The following KLC3 variants were observed in gnomAD, a reference collection of about 807,000 sequenced individuals.
The protein encoded by KLC3 is kinesin light chain 3, also known as kinesin light chain 2.
KLC3 carries 72 observed loss-of-function variants against 62.9 expected under a neutral mutation model. The ratio of observed to expected loss-of-function variants is 1.15; its 90% confidence interval spans 0.95 to 1.39. The LOEUF (loss-of-function observed/expected upper bound fraction) is 1.39. KLC3 is among the 40% of genes most tolerant of loss of function. The probability of loss-of-function intolerance (pLI) is 0.00; values close to 1 mark genes in which losing one functional copy is unlikely to be tolerated. For missense variants in KLC3, 848 were observed against 691.6 expected (o/e 1.23, Z -2.54); for synonymous variants, 377 against 300.5 (o/e 1.25, Z -2.63).
At chr19:45,350,614 T>C in intron 10 of KLC3, 27 bp from the exon 11 acceptor site, 1 of 1,612,964 alleles carries the variant, frequency 6.2e-7, no homozygotes, top group East Asian at 2.2e-5. Flanking sequence ...CCTGGGGGAC[T>C]GAGCAGCATC....
At chr19:45,350,868 A>G (rs986071478) in intron 11 of KLC3, 86 bp from the exon 12 acceptor site, 25 of 1,503,204 alleles carry the variant, frequency 1.7e-5, no homozygotes, top group Non-Finnish European at 2.0e-5. Flanking sequence ...TGATACACAC[A>G]GATCAAACCC....
chr19:45,343,623 C>G (rs1162142189), intron 1 of KLC3, among the ~76,000 whole-genome samples: 1 of 152,208 alleles, frequency 6.6e-6, no homozygotes, highest in Non-Finnish European at 1.5e-5. Context: ...GCGTGAGCCA[C>G]CGCGCCCAGG....
intron 7 of KLC3, 120 bp from the exon 8 acceptor site, chr19:45,349,309 T>C: frequency 1.9e-6 from 2 of 1,037,524 alleles, no homozygotes; most frequent in East Asian, 5.0e-5. Flanking sequence ...GCCCCCAACC[T>C]CTCAGGTCAC....
rs1568521733 is a variant in KLC3, at chr19:45,345,708, G to A, written c.167G>A (p.Gly56Asp). ...CTGGCGGAGGCCCTGGCGGGACAGG[G>A]CCCGGCAGCCGGCTTGGAGATGCTG... ...GHLAEALAGQ[G>D]PAAGLEMLEE... Residue 56 changes from glycine (G) to aspartate (D), a missense_variant, in exon 2 of 13, where the codon GGC becomes GAC. By Grantham distance (94) the Gly-to-Asp change is moderately conservative. Transcript: ENST00000391946. The A allele has an allele frequency of 2.6e-6, 4 of 1,566,048 alleles. No individual in the cohort carries two copies. Among genetic ancestry groups the A allele is most frequent in the Non-Finnish European group, 3.5e-6 (4 of 1,156,558 alleles).
chr19:45,350,612 A>C (rs1184456110), intron 10 of KLC3, 29 bp from the exon 11 acceptor site: 8 of 1,612,386 alleles, frequency 5.0e-6, no homozygotes, highest in Non-Finnish European at 6.8e-6. Flanking sequence ...GGCCTGGGGG[A>C]CTGAGCAGCA....
rs949800626 is a variant in KLC3, at chr19:45,348,794, G to A, written c.868-26G>A. ...AGTGGGGCCACACCTGCCCATCCCT[G>A]ACCTGTGCCTCCCCCAACCCCGCAG... On this transcript the variant is annotated intron_variant, in intron 6 of 12. Transcript: ENST00000391946. The A allele has an allele frequency of 1.9e-6, 3 of 1,562,574 alleles. No individual in the cohort carries two copies. The African/African-American group carries it at 4.1e-5, about 21-fold the overall frequency.
intron 3 of KLC3, chr19:45,347,014 G>A (rs1436668570): frequency 8.0e-6 from 4 of 500,348 alleles, no homozygotes; most frequent in Non-Finnish European, 1.4e-5. Flanking sequence ...AGACCCCCAG[G>A]GGGCCTCTGA....
At chr19:45,342,218 T>C (rs1971410200) in intron 1 of KLC3, among the ~76,000 whole-genome samples, 1 of 152,144 alleles carries the variant, frequency 6.6e-6, no homozygotes, top group African/African-American at 2.4e-5. Context: ...CTCTTGAACC[T>C]GTGTGGTTGT....
chr19:45,341,578 T>TGTGTGTGTGTGTGCGCGC, intron 1 of KLC3, among the ~76,000 whole-genome samples: 23 of 139,896 alleles, frequency 1.6e-4, no homozygotes, highest in African/African-American at 3.7e-4. Context: ...TGTGTGTGTG[T>TGTGTGTGTGTGTGCGCGC]GCGCGCGCGC....
At chr19:45,346,462 C>T in intron 2 of KLC3, 82 bp from the exon 3 acceptor site, 1 of 1,201,924 alleles carries the variant, frequency 8.3e-7, no homozygotes, top group Non-Finnish European at 1.1e-6. Flanking sequence ...GGTGCTACGG[C>T]CTGACTCGAG....
At position 45,348,823 on chromosome 19, in the gene KLC3, G is replaced by C. The variant is rs1353180294; in HGVS notation, c.871G>C (p.Ala291Pro). 1 of 1,565,432 alleles carries C rather than the reference G, an allele frequency of 6.4e-7. No individual in the cohort carries two copies. The highest frequency in any genetic ancestry group is 8.7e-7 in the Non-Finnish European group (1 of 1,154,920). ...TGTGCCTCCCCCAACCCCGCAGGTG[G>C]CCGCCACGCTCAACAACTTGGCTGT... ...QTLGPEHPAV[A>P]ATLNNLAVLY... is the part of the protein sequence containing the mutation. The change falls in exon 7 of 13, where the codon GCC becomes CCC. Residue 291 changes from alanine to proline, a missense_variant. Transcript: ENST00000391946.
Position 45,346,749 on chromosome 19 carries a change from A to G in KLC3, c.464A>G (p.Gln155Arg). 6.3e-7 allele frequency: 1 copy of G among 1,586,674 alleles called. No individual in the cohort carries two copies. Residue 155 changes from glutamine to arginine, a missense_variant, in exon 3 of 13, where the codon CAG (glutamine) becomes CGG (arginine). Physicochemically the swap from Gln to Arg is conservative, Grantham distance 43. Transcript: ENST00000391946. ...RHLEFLGQLR[Q>R]YDPPAESQQS... ...CTGGAGTTCCTGGGGCAGCTGCGAC[A>G]GTACGACCCACCGGCGGAGAGCCAG...
chr19:45,345,840 G>C, intron 2 of KLC3, 41 bp downstream of exon 2: 1 of 1,516,036 alleles, frequency 6.6e-7, no homozygotes, highest in Non-Finnish European at 8.8e-7. Flanking sequence ...AAGGTCAGCT[G>C]AGGGCGGAGG....
At chr19:45,343,996 T>A (rs941737787) in intron 1 of KLC3, among the ~76,000 whole-genome samples, 5 of 151,812 alleles carry the variant, frequency 3.3e-5, no homozygotes, top group Non-Finnish European at 5.9e-5. Flanking sequence ...CTAATTTTTT[T>A]ATTTTTATTT....
At chr19:45,350,022 G>A (rs932356858) in intron 8 of KLC3, 1 of 448,050 alleles carries the variant, frequency 2.2e-6, no homozygotes, top group Non-Finnish European at 4.0e-6. Context: ...AGAAACAGGA[G>A]GCTGCCTGTC....
At chr19:45,351,158 A>AT (rs3916895) in intron 12 of KLC3, 128 bp from the exon 13 acceptor site, 29 of 1,591,430 alleles carry the variant, frequency 1.8e-5, no homozygotes, top group Admixed American at 1.5e-4. Flanking sequence ...AGGAGCAAAG[A>AT]TGGGTTTTAC....
chr19:45,346,801 G>A (rs780353517), intron 3 of KLC3, 27 bp downstream of exon 3: 12 of 1,502,924 alleles, frequency 8.0e-6, no homozygotes, highest in African/African-American at 1.5e-5. Flanking sequence ...GAGGCGGGGG[G>A]TGCTGGGCCC....
intron 8 of KLC3, chr19:45,350,129 T>G: frequency 1.7e-6 from 1 of 576,008 alleles, no homozygotes; most frequent in Non-Finnish European, 3.1e-6. Flanking sequence ...GGTCAGCACA[T>G]TAGAAAGTGG....
At position 45,351,370 on chromosome 19, in the gene KLC3, T is replaced by G. The variant is rs775855093; in HGVS notation, c.*13T>G. On this transcript the variant is annotated 3_prime_UTR_variant, in exon 13 of 13. Coordinates refer to ENST00000391946, the MANE Select transcript of KLC3 (RefSeq NM_177417.3). ...GAGCCCCCACTAACGTCCAGTGAAC[T>G]GCGCTGGCCGCAGCTTCTTGGGAAC... The G allele has an allele frequency of 4.3e-6, 7 of 1,609,210 alleles. No individual in the cohort carries two copies. Among genetic ancestry groups the G allele is most frequent in the Non-Finnish European group, 5.9e-6 (7 of 1,179,950 alleles).
Sources: allele counts gnomAD v4.1 joint callset (sites outside exome capture counted in the v4.1 genomes callset), GRCh38; gene constraint gnomAD v4.1.1; transcripts MANE v1.5; gene names NCBI Gene and HGNC (gene_info 2026-07-23, HGNC 2026-07-21).